The following ADAM10 variants were observed in gnomAD, a reference collection of about 807,000 sequenced individuals.
The protein encoded by ADAM10 is disintegrin and metalloproteinase domain-containing protein 10.
Under a neutral mutation model 90.1 loss-of-function variants are expected in ADAM10, and 17 were observed. The ratio of observed to expected loss-of-function variants is 0.19; its 90% CI spans 0.13 to 0.28. The LOEUF (loss-of-function observed/expected upper bound fraction) is 0.28, where lower values mean the gene tolerates loss of function less well. ADAM10 is among the 10% of genes least tolerant of loss of function. The pLI is 1.00. For missense variants in ADAM10, 610 were observed against 914.3 expected (o/e 0.67, Z 4.29); for synonymous variants, 310 against 298.6 (o/e 1.04, Z -0.40).
chr15:58,676,242 A>C (rs1281617878), intron 4 of ADAM10: 1 of 454,688 alleles, frequency 2.2e-6, no homozygotes, highest in East Asian at 7.0e-5. Flanking sequence ...AAAGAACAGG[A>C]GGTCCACAAT....
chr15:58,595,002 G>C lies in ADAM10; in HGVS notation c.*2545C>G, dbSNP rs554555299. ...TGAAATGTCAATTCTCTCCTTATTT[G>C]CTATGAAGAGAAAAATGATGGCTCA... is the stretch of plus-strand genomic sequence containing the variant. On this transcript the variant is annotated 3_prime_UTR_variant, in exon 16 of 16. Coordinates refer to ENST00000260408, the MANE Select transcript of ADAM10 (RefSeq NM_001110.4). 6.6e-6 allele frequency: 1 copy of C among 152,108 alleles called. No individual in the cohort carries two copies. Among genetic ancestry groups the C allele is most frequent in the Non-Finnish European group, 1.5e-5 (1 of 67,954 alleles). 9.4% of individuals were successfully genotyped at this position (152,108 alleles called of 1,614,324 possible).
intron 11 of ADAM10, among the ~76,000 whole-genome samples, chr15:58,618,341 C>A (rs573450984): frequency 1.2e-4 from 19 of 152,126 alleles, no homozygotes; most frequent in African/African-American, 4.1e-4. Flanking sequence ...GAAACTAGAC[C>A]CCTATGTCTC....
chr15:58,600,045 C>A (rs948911556), intron 14 of ADAM10, among the ~76,000 whole-genome samples: 4 of 152,122 alleles, frequency 2.6e-5, no homozygotes, highest in Admixed American at 2.6e-4. Context: ...GGTCATCTTG[C>A]ATATAGTTAT....
intron 10 of ADAM10, among the ~76,000 whole-genome samples, chr15:58,621,844 T>A (rs1159556671): frequency 2.6e-5 from 4 of 152,098 alleles, no homozygotes. Context: ...ATCTGTACAG[T>A]GAGAGGATTT....
chr15:58,723,719 T>A (rs569303383), intron 1 of ADAM10, among the ~76,000 whole-genome samples: 259 of 150,106 alleles, frequency 1.7e-3, no homozygotes, highest in African/African-American at 6.0e-3. Flanking sequence ...AAATAAAAAA[T>A]AAAAAATAAA....
intron 11 of ADAM10, among the ~76,000 whole-genome samples, chr15:58,613,233 G>C (rs1260463308): frequency 1.3e-5 from 2 of 152,130 alleles, no homozygotes; most frequent in African/African-American, 4.8e-5. Context: ...CTATACCACT[G>C]CACCTACCTG....
At chr15:58,644,175 A>G (rs1896488303) in intron 6 of ADAM10, among the ~76,000 whole-genome samples, 197 bp from the exon 7 acceptor site, 1 of 148,850 alleles carries the variant, frequency 6.7e-6, no homozygotes, top group South Asian at 2.1e-4. Context: ...TCTTTTCCAG[A>G]CTCCTCTGGC....
At chr15:58,649,464 T>C (rs779690707) in intron 5 of ADAM10, among the ~76,000 whole-genome samples, 8 of 152,190 alleles carry the variant, frequency 5.3e-5, no homozygotes, top group Non-Finnish European at 8.8e-5. Context: ...AAGTTAGCAT[T>C]TGAGCCCGCA....
chr15:58,673,731 TTCTC>T (rs1329639969), intron 4 of ADAM10, among the ~76,000 whole-genome samples: 5 of 148,620 alleles, frequency 3.4e-5, no homozygotes, highest in African/African-American at 5.0e-5. Context: ...CACTGTCTCT[TTCTC>T]TCTCTTTTTT....
chr15:58,632,901 A>T (rs1896141722), intron 9 of ADAM10, among the ~76,000 whole-genome samples: 1 of 152,250 alleles, frequency 6.6e-6, no homozygotes, highest in Non-Finnish European at 1.5e-5. Flanking sequence ...ATTTGAGTAC[A>T]TTATGTACTA....
intron 5 of ADAM10, among the ~76,000 whole-genome samples, chr15:58,647,246 GTATTTTTTTTT>G (rs1297016009): frequency 2.7e-5 from 1 of 36,828 alleles, no homozygotes; most frequent in African/African-American, 7.4e-5. Context: ...TAGACACTAA[GTATTTTTTTTT>G]TTTTTTTTTT....
rs1319456364 is a variant in ADAM10, at chr15:58,655,536, C to T, written c.586-9332G>A. 3 of 150,990 alleles carry T rather than the reference C, an allele frequency of 2.0e-5. No individual in the cohort carries two copies. In the East Asian group the frequency reaches 5.8e-4, roughly 29 times the overall value. The allele number at this position is 150,990 out of a possible 1,614,324, so 9.4% of individuals were successfully genotyped here. A position where few individuals can be genotyped will look rare whatever the true frequency, so the allele number is the denominator to read the frequency against. ...ATGATCCAAACAACTCCCACCAGGT[C>T]CCACCTCCAGCACTGAGGATTACAA... On this transcript the variant is annotated intron_variant, in intron 5 of 15. Coordinates refer to ENST00000260408, the MANE Select transcript of ADAM10 (RefSeq NM_001110.4).
At chr15:58,737,750 T>C (rs1454036850) in intron 1 of ADAM10, among the ~76,000 whole-genome samples, 1 of 152,158 alleles carries the variant, frequency 6.6e-6, no homozygotes, top group Non-Finnish European at 1.5e-5. Context: ...AGCAAAAGCT[T>C]CCTTCCCAAT....
intron 8 of ADAM10, among the ~76,000 whole-genome samples, chr15:58,638,245 G>T (rs571293906): frequency 3.3e-5 from 5 of 152,196 alleles, no homozygotes; most frequent in African/African-American, 9.6e-5. Flanking sequence ...AAAAGCAGAG[G>T]GGGGGAAAAT....
chr15:58,674,415 T>G (rs1435421930), intron 4 of ADAM10, among the ~76,000 whole-genome samples: 2 of 152,172 alleles, frequency 1.3e-5, no homozygotes, highest in East Asian at 3.8e-4. Context: ...ATCTCAACTT[T>G]TCCAGTTGGC....
At chr15:58,638,278 G>A (rs1896322037) in intron 8 of ADAM10, among the ~76,000 whole-genome samples, 1 of 152,128 alleles carries the variant, frequency 6.6e-6, no homozygotes, top group South Asian at 2.1e-4. Context: ...TTGACAACGG[G>A]AGTCTTCGTT....
chr15:58,734,993 C>T (rs1899381515), intron 1 of ADAM10, among the ~76,000 whole-genome samples: 1 of 152,214 alleles, frequency 6.6e-6, no homozygotes, highest in Non-Finnish European at 1.5e-5. Flanking sequence ...CCTGTTCCCA[C>T]ATGCAGAGAC....
At chr15:58,702,771 C>A (rs1300803152) in intron 2 of ADAM10, among the ~76,000 whole-genome samples, 1 of 152,162 alleles carries the variant, frequency 6.6e-6, no homozygotes, top group African/African-American at 2.4e-5. Flanking sequence ...TCAAAATTCA[C>A]TGCTTCTATT....
intron 11 of ADAM10, 78 bp downstream of exon 11, chr15:58,621,393 A>C: frequency 1.3e-6 from 2 of 1,565,720 alleles, no homozygotes; most frequent in Non-Finnish European, 1.8e-6. Flanking sequence ...GCATCTCTTA[A>C]TCTCAGTTTT....
Sources: allele counts gnomAD v4.1 joint callset (sites outside exome capture counted in the v4.1 genomes callset), GRCh38; gene constraint gnomAD v4.1.1; transcripts MANE v1.5; gene names NCBI Gene and HGNC (gene_info 2026-07-23, HGNC 2026-07-21).